Variants in EPSTI1 observed in about 807,000 individuals in gnomAD.
EPSTI1 encodes epithelial-stromal interaction protein 1.
In EPSTI1, 66 loss-of-function variants were observed where a neutral mutation model predicts 49.9. The ratio of observed to expected loss-of-function variants is 1.32; its 90% CI spans 1.08 to 1.62. The LOEUF is 1.62. Ranked by LOEUF, EPSTI1 falls within the 40% of genes most tolerant of loss-of-function variation. The pLI is 0.00. For synonymous variants in EPSTI1, 137 were observed against 130.7 expected, an observed-to-expected ratio of 1.05 and a Z score of -0.33; for missense variants, 394 against 365.5, an observed-to-expected ratio of 1.08 and a Z score of -0.64.
At chr13:42,939,641 C>A (rs1421141636) in intron 6 of EPSTI1, among the ~76,000 whole-genome samples, 1 of 151,962 alleles carries the variant, frequency 6.6e-6, no homozygotes, top group Non-Finnish European at 1.5e-5. Flanking sequence ...TTTGTGGGTC[C>A]CCAAAACAAT....
chr13:42,941,631 A>G (rs1437619213), intron 6 of EPSTI1, among the ~76,000 whole-genome samples: 2 of 148,692 alleles, frequency 1.3e-5, no homozygotes, highest in Admixed American at 1.3e-4. Context: ...AAAAAAAAAC[A>G]GAAAAAAAAT....
intron 10 of EPSTI1, 64 bp downstream of exon 10, chr13:42,894,945 A>C (rs2037146819): frequency 1.4e-6 from 2 of 1,429,774 alleles, no homozygotes; most frequent in Non-Finnish European, 9.6e-7. Flanking sequence ...ACATATATTA[A>C]AAATTCTCAT....
At chr13:42,896,516 T>C (rs1351902851) in intron 9 of EPSTI1, among the ~76,000 whole-genome samples, 1 of 152,174 alleles carries the variant, frequency 6.6e-6, no homozygotes. Context: ...ACAAGGCTTG[T>C]TTGCTCTACC....
rs1461882040 is a variant in EPSTI1 at position 42,992,127 on chromosome 13, G to T, written c.39C>A (p.Gly13=). The part of the protein sequence containing the change: ...TRNRVVNSGL[G]ASPASRPTRD... ...GGGTCGGGCGGGAGGCAGGGGAGGC[G>T]CCGAGCCCGGAGTTCACCACTCTAT... The change falls in exon 1 of 11, where the codon GGC becomes GGA. Residue 13 remains glycine, a synonymous_variant. Coordinates refer to ENST00000313624, the MANE Select transcript of EPSTI1 (RefSeq NM_033255.5). The T allele has an allele frequency of 4.4e-6, 7 of 1,606,974 alleles. No individual in the cohort carries two copies. The highest frequency in any genetic ancestry group is 1.7e-4 in the Middle Eastern group (1 of 6,034).
intron 1 of EPSTI1, among the ~76,000 whole-genome samples, chr13:42,975,272 C>T (rs9533327): frequency 0.091 from 13,775 of 152,098 alleles, 775 homozygotes; most frequent in South Asian, 0.2. Flanking sequence ...ATGACAAGAC[C>T]AGGCCGAGCG....
At chr13:42,906,504 T>C (rs1264342610) in intron 8 of EPSTI1, among the ~76,000 whole-genome samples, 1 of 152,230 alleles carries the variant, frequency 6.6e-6, no homozygotes, top group Admixed American at 6.5e-5. Context: ...GAGAGCCTGT[T>C]CTCTCAACAC....
chr13:42,896,521 T>C (rs2037193189), intron 9 of EPSTI1, among the ~76,000 whole-genome samples: 1 of 152,228 alleles, frequency 6.6e-6, no homozygotes, highest in South Asian at 2.1e-4. Flanking sequence ...GCTTGTTTGC[T>C]CTACCTCCTG....
At chr13:42,959,335 A>T (rs747461886) in intron 5 of EPSTI1, among the ~76,000 whole-genome samples, 26 of 152,222 alleles carry the variant, frequency 1.7e-4, no homozygotes, top group Non-Finnish European at 2.9e-4. Context: ...ATCCACAAAG[A>T]AATGCATGAT....
At position 42,888,402 on chromosome 13, in the gene EPSTI1, C is replaced by CAGTG. The variant is rs1456929605; in HGVS notation, c.*88_*91dup. The CAGTG allele has an allele frequency of 6.2e-7, 1 of 1,614,114 alleles. No individual in the cohort carries two copies. Among genetic ancestry groups the CAGTG allele is most frequent in the Admixed American group, 1.7e-5 (1 of 60,022 alleles). ...TGGGCAGTTGAAATTAAGGTAAAAA[C>CAGTG]AGTGAGGCTGAACAAAATCACATTA... On this transcript the variant is annotated 3_prime_UTR_variant, in exon 11 of 11. Transcript: ENST00000313624.
At chr13:42,934,954 C>G (rs7331158) in intron 6 of EPSTI1, 77,445 of 152,134 alleles carry the variant, frequency 0.51, 19,731 homozygotes, top group Middle Eastern at 0.55. Flanking sequence ...AACCTTCAGC[C>G]TTCCTCCCTA....
chr13:42,917,640 G>GAAAAAAAA lies in EPSTI1; in HGVS notation c.658-17_658-16insTTTTTTTT. Reference sequence around the variant, plus strand: ...AGCTTCTGGCCTGTAAAGGTACAAAGAGAAAAAAAAAAAAAAAAACAACTT... The same window carrying GAAAAAAAA: ...AGCTTCTGGCCTGTAAAGGTACAAAGAAAAAAAAAGAAAAAAAAAAAAAAAAACAACTT... On this transcript the variant is annotated splice_polypyrimidine_tract_variant and intron_variant, in intron 7 of 10. Transcript: ENST00000313624. 1.1e-4 allele frequency: 16 copies of GAAAAAAAA among 149,338 alleles called. No individual in the cohort carries two copies. The highest frequency in any genetic ancestry group is 5.2e-4 in the Admixed American group (4 of 7,670). 9.3% of individuals were successfully genotyped at this position (149,338 alleles called of 1,614,324 possible). A position where few individuals can be genotyped will look rare whatever the true frequency, so the allele number is the denominator to read the frequency against.
At chr13:42,930,474 T>C (rs1375156074) in intron 6 of EPSTI1, among the ~76,000 whole-genome samples, 1 of 152,196 alleles carries the variant, frequency 6.6e-6, no homozygotes, top group East Asian at 1.9e-4. Context: ...CCTATGTAAG[T>C]AAGAGAGTGA....
chr13:42,916,571 A>G (rs2037837785), intron 8 of EPSTI1, among the ~76,000 whole-genome samples: 2 of 152,250 alleles, frequency 1.3e-5, no homozygotes, highest in Non-Finnish European at 2.9e-5. Flanking sequence ...GTTGTAATAA[A>G]TTACCTTGTT....
At chr13:42,952,150 G>T (rs369499788) in intron 6 of EPSTI1, among the ~76,000 whole-genome samples, 6 of 152,172 alleles carry the variant, frequency 3.9e-5, no homozygotes, top group African/African-American at 1.4e-4. Flanking sequence ...AAAATGGACC[G>T]ATCAACGGGA....
At chr13:42,951,166 G>GA (rs140150958) in intron 6 of EPSTI1, among the ~76,000 whole-genome samples, 17,693 of 151,572 alleles carry the variant, frequency 0.12, 1,382 homozygotes, top group East Asian at 0.31. Flanking sequence ...CCAAAAAAAA[G>GA]AAAAAAAATC....
intron 6 of EPSTI1, among the ~76,000 whole-genome samples, chr13:42,933,523 G>A (rs1269182932): frequency 6.6e-6 from 1 of 152,118 alleles, no homozygotes; most frequent in African/African-American, 2.4e-5. Context: ...TGCAAAACAT[G>A]TTTGCTTCTG....
At chr13:42,959,893 G>A (rs1299649346) in intron 5 of EPSTI1, among the ~76,000 whole-genome samples, 1 of 152,176 alleles carries the variant, frequency 6.6e-6, no homozygotes, top group Non-Finnish European at 1.5e-5. Context: ...ATAGACGGTT[G>A]CATCTATACT....
chr13:42,921,694 G>T (rs1278597661), intron 7 of EPSTI1, among the ~76,000 whole-genome samples: 1 of 152,194 alleles, frequency 6.6e-6, no homozygotes, highest in Admixed American at 6.5e-5. Context: ...AGGCTCTCTG[G>T]AGGTGCAACC....
At chr13:42,978,012 G>C (rs1319210324) in intron 1 of EPSTI1, among the ~76,000 whole-genome samples, 1 of 152,192 alleles carries the variant, frequency 6.6e-6, no homozygotes, top group African/African-American at 2.4e-5. Flanking sequence ...AATTAGCTGG[G>C]TGTAGTGGCG....
Sources: gnomAD v4.1 joint callset for allele counts (sites outside exome capture counted in the v4.1 genomes callset) on GRCh38, gnomAD v4.1.1 for gene constraint, MANE v1.5 for transcripts, NCBI Gene and HGNC (gene_info 2026-07-23, HGNC 2026-07-21) for gene names.